Variants in CMSS1 observed in about 807,000 individuals in gnomAD.
CMSS1 encodes protein CMSS1.
Under a neutral mutation model 43.5 loss-of-function variants are expected in CMSS1, and 33 were observed. That is an observed-to-expected ratio of 0.76 (90% confidence interval 0.57 to 1.01). The LOEUF (loss-of-function observed/expected upper bound fraction) is 1.01. Ranked by LOEUF, CMSS1 falls within the 50% of genes least tolerant of loss-of-function variation. The pLI, the probability that CMSS1 is intolerant of heterozygous loss-of-function variation, is 0.00. For synonymous variants in CMSS1, 115 were observed against 117.2 expected, an observed-to-expected ratio of 0.98 and a Z score of 0.12; for missense variants, 313 against 326.4, an observed-to-expected ratio of 0.96 and a Z score of 0.32.
chr3:100,031,637 C>T (rs562602368), intron 1 of CMSS1, among the ~76,000 whole-genome samples: 2 of 152,122 alleles, frequency 1.3e-5, no homozygotes, highest in South Asian at 2.1e-4. Context: ...TTTTAACTAA[C>T]GCATTCTCTC....
intron 1 of CMSS1, among the ~76,000 whole-genome samples, chr3:100,059,958 A>G (rs903169857): frequency 1.1e-4 from 16 of 151,700 alleles, no homozygotes; most frequent in African/African-American, 3.9e-4. Context: ...GGTAAATCAC[A>G]TATGTATGAA....
At position 100,162,415 on chromosome 3, in the gene CMSS1, A is replaced by G. The variant is rs2067032155; in HGVS notation, c.338A>G (p.Glu113Gly). ...AGCAGACGCTTGGTGATTGAATTAG[A>G]AGAACTGAACCTGCCAGGTATAGCC... is the stretch of plus-strand genomic sequence containing the variant. ...YSSRRLVIEL[E>G]ELNLPDSCFL... Residue 113 changes from glutamate to glycine, a missense_variant, in exon 4 of 10, where the codon GAA becomes GGA. Physicochemically the swap from Glu to Gly is moderately conservative, Grantham distance 98 (BLOSUM62 -2). Transcript: ENST00000421999. The G allele has an allele frequency of 1.2e-6, 2 of 1,612,792 alleles. No individual in the cohort carries two copies. The highest frequency in any genetic ancestry group is 1.7e-6 in the Non-Finnish European group (2 of 1,179,244).
At chr3:100,010,604 TTTTC>T (rs1710116751) in intron 1 of CMSS1, among the ~76,000 whole-genome samples, 2 of 147,260 alleles carry the variant, frequency 1.4e-5, no homozygotes, top group East Asian at 2.0e-4. Flanking sequence ...ATCTGAGAGT[TTTTC>T]TTTCTTTTTT....
intron 1 of CMSS1, among the ~76,000 whole-genome samples, chr3:100,139,396 A>T (rs114813935): frequency 0.019 from 2,847 of 151,964 alleles, 51 homozygotes; most frequent in East Asian, 0.096. Flanking sequence ...AAATCCAGCC[A>T]GGAGGCCAGG....
chr3:99,931,457 T>C (rs1707480203), intron 1 of CMSS1, among the ~76,000 whole-genome samples: 1 of 152,238 alleles, frequency 6.6e-6, no homozygotes. Flanking sequence ...TAGTATTTCC[T>C]TTAAAATTGT....
intron 1 of CMSS1, chr3:100,025,406 T>A (rs951991829): frequency 6.6e-6 from 1 of 152,228 alleles, no homozygotes; most frequent in African/African-American, 2.4e-5. Flanking sequence ...ATCACTTTCC[T>A]TCTTCTCTTC....
chr3:99,885,427 A>C (rs1421024875), intron 1 of CMSS1, among the ~76,000 whole-genome samples: 1 of 152,224 alleles, frequency 6.6e-6, no homozygotes, highest in African/African-American at 2.4e-5. Context: ...TATGCCCCTT[A>C]GAGTTATAAT....
chr3:99,984,891 G>A, intron 1 of CMSS1, among the ~76,000 whole-genome samples: 1 of 152,140 alleles, frequency 6.6e-6, no homozygotes, highest in East Asian at 1.9e-4. Flanking sequence ...ACAAACACAG[G>A]ATTAGGTTAA....
At chr3:100,047,830 G>C (rs778667062) in intron 1 of CMSS1, among the ~76,000 whole-genome samples, 2 of 147,050 alleles carry the variant, frequency 1.4e-5, no homozygotes, top group Non-Finnish European at 3.0e-5. Context: ...GAAGGCATTT[G>C]AAAAAAAAAA....
At chr3:99,944,054 G>T (rs1279342283) in intron 1 of CMSS1, among the ~76,000 whole-genome samples, 1 of 152,220 alleles carries the variant, frequency 6.6e-6, no homozygotes, top group Admixed American at 6.5e-5. Context: ...CAGCAGACAT[G>T]CCTTCCCTCT....
intron 1 of CMSS1, among the ~76,000 whole-genome samples, chr3:100,026,669 A>G (rs927151683): frequency 1.3e-5 from 2 of 152,110 alleles, no homozygotes; most frequent in African/African-American, 4.8e-5. Flanking sequence ...TCATCAGGAA[A>G]TCCTGTTGGC....
chr3:100,136,179 G>A (rs1407409841), intron 1 of CMSS1, among the ~76,000 whole-genome samples: 1 of 152,140 alleles, frequency 6.6e-6, no homozygotes, highest in Non-Finnish European at 1.5e-5. Flanking sequence ...CTTTTGGAGA[G>A]AAGAAGAGAT....
At chr3:100,056,197 T>C (rs1444667590) in intron 1 of CMSS1, among the ~76,000 whole-genome samples, 1 of 152,204 alleles carries the variant, frequency 6.6e-6, no homozygotes, top group Admixed American at 6.5e-5. Flanking sequence ...CCAAATATTA[T>C]TACCAGCTGA....
intron 1 of CMSS1, among the ~76,000 whole-genome samples, chr3:99,871,689 T>C (rs937789207): frequency 6.6e-6 from 1 of 152,060 alleles, no homozygotes; most frequent in Admixed American, 6.6e-5. Flanking sequence ...GTCTGAGGAG[T>C]GCAAAATGCT....
intron 1 of CMSS1, among the ~76,000 whole-genome samples, chr3:99,895,697 A>T (rs1706228899): frequency 6.6e-6 from 1 of 152,122 alleles, no homozygotes; most frequent in South Asian, 2.1e-4. Context: ...ACACTTCCAC[A>T]TGTTGTCTTC....
At chr3:100,011,300 TCTATTGA>T (rs1710149761) in intron 1 of CMSS1, among the ~76,000 whole-genome samples, 1 of 152,174 alleles carries the variant, frequency 6.6e-6, no homozygotes. Flanking sequence ...CACGTGTTGA[TCTATTGA>T]GTATCAAGCA....
At chr3:100,130,305 T>C (rs1235447881) in intron 1 of CMSS1, among the ~76,000 whole-genome samples, 1 of 152,216 alleles carries the variant, frequency 6.6e-6, no homozygotes, top group Admixed American at 6.5e-5. Flanking sequence ...AAATTAATTC[T>C]ACTGGATGTT....
intron 1 of CMSS1, among the ~76,000 whole-genome samples, chr3:99,824,036 T>C (rs138034218): frequency 0.012 from 1,756 of 152,034 alleles, 19 homozygotes; most frequent in African/African-American, 0.026. Context: ...GATTCTCCTG[T>C]CTCAGCCTTC....
Position 99,983,689 on chromosome 3 carries a change from C to CA in CMSS1, c.65-163270dup, listed in dbSNP as rs533900254. On this transcript the variant is annotated intron_variant, in intron 1 of 9. Coordinates refer to ENST00000421999, the MANE Select transcript of CMSS1 (RefSeq NM_032359.4). ...TGGGTGACTGAGCAAGACTCAGTCT[C>CA]AAAAAAAAAAAAAAGAAATGAGAAG... Among the ~76,000 whole-genome samples, 574 of 89,852 alleles carry CA rather than the reference C, an allele frequency of 6.4e-3. 3 individuals are homozygous for CA. Among genetic ancestry groups the CA allele is most frequent in the African/African-American group, 0.012 (294 of 24,414 alleles). 58.9% of individuals were successfully genotyped at this position (89,852 alleles called of 152,430 possible).
Sources: allele counts gnomAD v4.1 joint callset (sites outside exome capture counted in the v4.1 genomes callset), GRCh38; gene constraint gnomAD v4.1.1; transcripts MANE v1.5; gene names NCBI Gene and HGNC (gene_info 2026-07-23, HGNC 2026-07-21).